CNBD1: variants seen among roughly 807,000 people sequenced by gnomAD.
CNBD1 encodes cyclic nucleotide-binding domain-containing protein 1.
A neutral mutation model predicts 54.4 loss-of-function variants in CNBD1; 71 were observed. The ratio of observed to expected loss-of-function variants is 1.30; its 90% CI spans 1.08 to 1.59. The LOEUF (loss-of-function observed/expected upper bound fraction) is 1.59. Ranked by LOEUF, CNBD1 falls within the 40% of genes most tolerant of loss-of-function variation. The probability of loss-of-function intolerance (pLI) is 0.00; values close to 1 mark genes in which losing one functional copy is unlikely to be tolerated. For missense variants in CNBD1, 659 were observed against 518.0 expected (o/e 1.27, Z -2.64); for synonymous variants, 182 against 170.7 (o/e 1.07, Z -0.51).
intron 8 of CNBD1, among the ~76,000 whole-genome samples, chr8:87,301,726 A>G (rs1365981378): frequency 6.6e-6 from 1 of 152,184 alleles, no homozygotes; most frequent in Admixed American, 6.6e-5. Flanking sequence ...AAGATCAACA[A>G]AAGTGATAGA....
intron 4 of CNBD1, among the ~76,000 whole-genome samples, chr8:87,148,409 G>A (rs1812533428): frequency 6.6e-6 from 1 of 152,100 alleles, no homozygotes; most frequent in Non-Finnish European, 1.5e-5. Flanking sequence ...GATTTACCAT[G>A]GCAAATCCTA....
At chr8:87,138,083 AT>A (rs1812295887) in intron 4 of CNBD1, among the ~76,000 whole-genome samples, 1 of 152,158 alleles carries the variant, frequency 6.6e-6, no homozygotes, top group Admixed American at 6.6e-5. Flanking sequence ...TAGTTACCAG[AT>A]AGGTTAGTTG....
At chr8:87,078,507 C>G (rs1267921223) in intron 4 of CNBD1, among the ~76,000 whole-genome samples, 1 of 152,160 alleles carries the variant, frequency 6.6e-6, no homozygotes, top group East Asian at 1.9e-4. Context: ...GTTTTAATGT[C>G]TCCTCTACAA....
chr8:86,926,741 G>A (rs921930835), intron 3 of CNBD1, among the ~76,000 whole-genome samples: 1 of 152,180 alleles, frequency 6.6e-6, no homozygotes, highest in East Asian at 1.9e-4. Context: ...AGTCACCGCT[G>A]CCAAAGACTC....
chr8:86,895,584 C>G (rs1808837400), intron 2 of CNBD1, among the ~76,000 whole-genome samples: 1 of 152,124 alleles, frequency 6.6e-6, no homozygotes, highest in Admixed American at 6.5e-5. Context: ...GAGTGAGTTT[C>G]TTTTGCTCCA....
At chr8:87,168,895 A>G (rs991826645) in intron 4 of CNBD1, among the ~76,000 whole-genome samples, 6 of 152,076 alleles carry the variant, frequency 3.9e-5, no homozygotes, top group African/African-American at 1.4e-4. Context: ...AAACATGGGC[A>G]TACAGATATC....
intron 8 of CNBD1, among the ~76,000 whole-genome samples, chr8:87,307,643 C>A (rs1563545939): frequency 6.6e-6 from 1 of 151,690 alleles, no homozygotes; most frequent in Non-Finnish European, 1.5e-5. Context: ...GAGGCTGAGG[C>A]AGGAGAATCG....
intron 4 of CNBD1, among the ~76,000 whole-genome samples, chr8:86,953,198 G>T (rs1378989892): frequency 6.6e-6 from 1 of 152,128 alleles, no homozygotes; most frequent in African/African-American, 2.4e-5. Context: ...GTCTTAGTGT[G>T]AGCATGTGCC....
chr8:87,370,363 A>G lies in CNBD1; in HGVS notation c.1304-12257A>G, dbSNP rs191899407. Among the ~76,000 whole-genome samples the G allele has an allele frequency of 1.6e-3, 240 of 152,200 alleles. 4 individuals carry two copies. In the Middle Eastern group the frequency reaches 0.027, roughly 17 times the overall value. On this transcript the variant is annotated intron_variant, in intron 10 of 10. Coordinates refer to ENST00000518476, the MANE Select transcript of CNBD1 (RefSeq NM_173538.3). ...CCATCAACAGTGTAAAAGTGTTCCT[A>G]TTTCTCCACTACTCTCCAGCACCTG... is the stretch of plus-strand genomic sequence containing the variant.
At chr8:86,925,670 C>T (rs1046587001) in intron 3 of CNBD1, among the ~76,000 whole-genome samples, 1 of 148,206 alleles carries the variant, frequency 6.7e-6, no homozygotes, top group Admixed American at 6.8e-5. Flanking sequence ...CACTCGAGGT[C>T]ATGAGTTTGT....
intron 5 of CNBD1, among the ~76,000 whole-genome samples, chr8:87,220,581 T>G (rs1814310736): frequency 6.6e-6 from 1 of 151,934 alleles, no homozygotes; most frequent in African/African-American, 2.4e-5. Flanking sequence ...GCTTCTGATT[T>G]TCAAATTCAT....
At chr8:86,881,015 A>G (rs1223556646) in intron 1 of CNBD1, among the ~76,000 whole-genome samples, 1 of 152,182 alleles carries the variant, frequency 6.6e-6, no homozygotes, top group Non-Finnish European at 1.5e-5. Context: ...TAGATGTTGA[A>G]GGAACATACC....
At chr8:87,292,116 A>G (rs1450575271) in intron 8 of CNBD1, among the ~76,000 whole-genome samples, 1 of 152,208 alleles carries the variant, frequency 6.6e-6, no homozygotes. Flanking sequence ...ATCTTAAAAT[A>G]TATTAATACA....
intron 4 of CNBD1, among the ~76,000 whole-genome samples, chr8:86,977,054 A>G (rs938672146): frequency 5.3e-5 from 8 of 151,992 alleles, no homozygotes; most frequent in South Asian, 2.1e-4. Flanking sequence ...AATTTCCATT[A>G]CTATGCTGAA....
At chr8:86,869,460 C>T (rs1217522199) in intron 1 of CNBD1, among the ~76,000 whole-genome samples, 5 of 152,218 alleles carry the variant, frequency 3.3e-5, no homozygotes, top group Non-Finnish European at 7.3e-5. Context: ...ACATGTCACA[C>T]ATCTTCAAAC....
In CNBD1 at chr8:87,100,176, G is replaced by A. The variant is rs181680222; in HGVS notation, c.432-105817G>A. On this transcript the variant is annotated intron_variant, in intron 4 of 10. Transcript: ENST00000518476. ...CCATAGCATCGAGCAATTTGGGGCC[G>A]TTGGTGATGCTAACAAAAGAAGTTT... Among the ~76,000 whole-genome samples the A allele has an allele frequency of 3.6e-3, 555 of 152,250 alleles. 3 individuals are homozygous for A. The highest frequency in any genetic ancestry group is 0.012 in the African/African-American group (501 of 41,550).
At chr8:87,021,086 C>A (rs1366061958) in intron 4 of CNBD1, among the ~76,000 whole-genome samples, 1 of 152,178 alleles carries the variant, frequency 6.6e-6, no homozygotes, top group Admixed American at 6.5e-5. Flanking sequence ...CAGTGTATTT[C>A]TTAAATGTAT....
At chr8:87,330,558 G>T (rs991966595) in intron 8 of CNBD1, among the ~76,000 whole-genome samples, 4 of 151,984 alleles carry the variant, frequency 2.6e-5, no homozygotes, top group Non-Finnish European at 4.4e-5. Context: ...TTGTTTAGCG[G>T]TGTGTTGTTT....
At chr8:87,226,592 T>C (rs985630219) in intron 5 of CNBD1, among the ~76,000 whole-genome samples, 6 of 149,366 alleles carry the variant, frequency 4.0e-5, no homozygotes, top group African/African-American at 1.5e-4. Context: ...TTGATTGCAC[T>C]GTGGTCTGAG....
Sources: allele counts gnomAD v4.1 joint callset (sites outside exome capture counted in the v4.1 genomes callset), GRCh38; gene constraint gnomAD v4.1.1; transcripts MANE v1.5; gene names NCBI Gene and HGNC (gene_info 2026-07-23, HGNC 2026-07-21).